TRPV1: variants seen among roughly 807,000 people sequenced by gnomAD.
The protein encoded by TRPV1 is OTRPC1.
A neutral mutation model predicts 82.3 loss-of-function variants in TRPV1; 82 were observed. The ratio of observed to expected loss-of-function variants is 1.00; its 90% CI spans 0.83 to 1.20. The LOEUF (loss-of-function observed/expected upper bound fraction) is 1.20. Among genes scored for constraint, TRPV1 ranks in the 50% most tolerant of loss-of-function variants. The probability of loss-of-function intolerance (pLI) is 0.00; values close to 1 mark genes in which losing one functional copy is unlikely to be tolerated. For missense variants in TRPV1, 1,067 were observed against 1,096.8 expected (o/e 0.97, Z 0.38); for synonymous variants, 515 against 467.7 (o/e 1.10, Z -1.30).
chr17:3,588,741 T>C (rs1375113103), intron 7 of TRPV1, among the ~76,000 whole-genome samples: 2 of 149,070 alleles, frequency 1.3e-5, no homozygotes, highest in Admixed American at 6.7e-5. Context: ...TTGAACCTGA[T>C]AGGCAGAGGT....
At position 3,577,340 on chromosome 17, in the gene TRPV1, TCACC is replaced by T; in HGVS notation, c.1714-152_1714-149del. 6 of 921,064 alleles carry T rather than the reference TCACC, an allele frequency of 6.5e-6. No individual in the cohort carries two copies. The South Asian group carries it at 9.9e-5, about 15-fold the overall frequency. The allele number at this position is 921,064 out of a possible 1,614,324, so 57.1% of individuals were successfully genotyped here. A position where few individuals can be genotyped will look rare whatever the true frequency, so the allele number is the denominator to read the frequency against. On this transcript the variant is annotated intron_variant, in intron 12 of 16. Coordinates refer to ENST00000572705, the MANE Select transcript of TRPV1 (RefSeq NM_080704.4). The stretch of plus-strand genomic sequence containing the variant: ...TCTCAGCTCAGGGGTCATGAGGGAG[TCACC>T]CACCCTTCCCCCATAGCCTTTGTTC...
intron 14 of TRPV1, among the ~76,000 whole-genome samples, chr17:3,572,691 G>A (rs224551): frequency 0.88 from 134,500 of 152,276 alleles, 61,804 homozygotes; most frequent in East Asian, 1. Flanking sequence ...ATTCAAAAAC[G>A]GAACAGTATA....
At chr17:3,588,776 T>G (rs1284963662) in intron 7 of TRPV1, among the ~76,000 whole-genome samples, 1 of 148,544 alleles carries the variant, frequency 6.7e-6, no homozygotes, top group Non-Finnish European at 1.5e-5. Context: ...ATTGTGCCAC[T>G]GCTCTCCAGC....
intron 2 of TRPV1, among the ~76,000 whole-genome samples, chr17:3,605,651 T>G: frequency 6.6e-6 from 1 of 152,206 alleles, no homozygotes; most frequent in Non-Finnish European, 1.5e-5. Flanking sequence ...ATGTGACTTG[T>G]GTAAAGAATG....
chr17:3,583,418 T>A lies in TRPV1; in HGVS notation c.1396A>T (p.Met466Leu), dbSNP rs771765536. The A allele has an allele frequency of 1.2e-6, 2 of 1,603,598 alleles. No individual in the cohort carries two copies. Among genetic ancestry groups the A allele is most frequent in the Non-Finnish European group, 1.7e-6 (2 of 1,174,966 alleles). Residue 466 changes from methionine (M) to leucine (L), a missense_variant, in exon 10 of 17, where the codon ATG (methionine) becomes TTG (leucine). Met to Leu is a conservative substitution (Grantham distance 15). Coordinates refer to ENST00000572705, the MANE Select transcript of TRPV1 (RefSeq NM_080704.4). ...CGGAAATAGTCTCCAGTTTTTTCCA[T>A]CTTAAAGGGAGGCTGTGAGATGCAG... ...RPVDGLPPFK[M>L]EKTGDYFRVT...
At chr17:3,588,813 TAA>T (rs3837859) in intron 7 of TRPV1, 2,027 of 900,432 alleles carry the variant, frequency 2.3e-3, no homozygotes, top group South Asian at 3.9e-3. Context: ...AAACCTCATC[TAA>T]AAAAAAAAAA....
At chr17:3,585,557 G>A (rs1055153906) in intron 9 of TRPV1, 15 of 579,428 alleles carry the variant, frequency 2.6e-5, no homozygotes, top group Non-Finnish European at 3.9e-5. Context: ...ACTGAGAAGC[G>A]GGAAGGGGGC....
chr17:3,573,878 C>A lies in TRPV1; in HGVS notation c.1858G>T (p.Ala620Ser). ...TAGGAGCTATCGGGGGGCCTGCAGG[C>A]AGGCCCCCGCCACCTGTGCGACGTG... is the stretch of plus-strand genomic sequence containing the variant. The part of the protein sequence containing the change: ...ESTSHRWRGP[A>S]CRPPDSSYNS... Residue 620 changes from alanine to serine, a missense_variant, in exon 14 of 17, where the codon GCC becomes TCC. Transcript: ENST00000572705. 6.3e-7 allele frequency: 1 copy of A among 1,599,840 alleles called. No individual in the cohort carries two copies. The highest frequency in any genetic ancestry group is 1.7e-4 in the Middle Eastern group (1 of 5,922).
intron 14 of TRPV1, 92 bp downstream of exon 14, chr17:3,573,541 A>ACCC: frequency 7.3e-6 from 1 of 137,140 alleles, no homozygotes; most frequent in African/African-American, 9.2e-5. Flanking sequence ...CGCCCCCACC[A>ACCC]CCCACCCACC....
At chr17:3,587,085 A>C (rs2150843852) in intron 8 of TRPV1, among the ~76,000 whole-genome samples, 1 of 152,190 alleles carries the variant, frequency 6.6e-6, no homozygotes, top group South Asian at 2.1e-4. Flanking sequence ...TGTCCCTGAG[A>C]GCCTTTAGAG....
chr17:3,572,281 AG>A, intron 14 of TRPV1, 32 bp from the exon 15 acceptor site: 2 of 1,581,952 alleles, frequency 1.3e-6, no homozygotes, highest in Non-Finnish European at 8.6e-7. Context: ...AGAGGAGCTG[AG>A]GGGCAGAGGG....
intron 8 of TRPV1, 129 bp downstream of exon 8, chr17:3,588,059 G>A (rs2075105780): frequency 1.2e-5 from 13 of 1,072,086 alleles, no homozygotes; most frequent in Non-Finnish European, 1.7e-5. Context: ...ACGTGAGGCT[G>A]CAGGGCCTGG....
chr17:3,581,847 T>C (rs1430503105), intron 10 of TRPV1, among the ~76,000 whole-genome samples: 2 of 137,662 alleles, frequency 1.5e-5, no homozygotes, highest in Non-Finnish European at 1.5e-5. Context: ...ATCACACCAC[T>C]GCACTCCAGC....
At chr17:3,591,917 C>T in intron 3 of TRPV1, 150 bp downstream of exon 3, 1 of 1,188,048 alleles carries the variant, frequency 8.4e-7, no homozygotes. Flanking sequence ...CCCACGAGGT[C>T]ACATGAGGAA....
intron 2 of TRPV1, among the ~76,000 whole-genome samples, chr17:3,598,661 G>A (rs2075239540): frequency 6.6e-6 from 1 of 150,446 alleles, no homozygotes. Context: ...TGCCTCCCAG[G>A]TTCAAGCAAT....
At chr17:3,590,525 C>A in intron 5 of TRPV1, 133 bp from the exon 6 acceptor site, 1 of 1,374,504 alleles carries the variant, frequency 7.3e-7, no homozygotes, top group Non-Finnish European at 9.7e-7. Flanking sequence ...GGAGGACCCC[C>A]CCACTGCAGG....
In TRPV1 at chr17:3,573,901, G is replaced by A. The variant is rs199539626; in HGVS notation, c.1835C>T (p.Thr612Met). ...GGCAGGCCCCCGCCACCTGTGCGAC[G>A]TGGACTCAGACGGCAGGGAGTCATT... Reference protein sequence around the residue: ...GKNDSLPSESTSHRWRGPACR... With the variant: ...GKNDSLPSESMSHRWRGPACR... The change falls in exon 14 of 17, where the codon ACG (threonine) becomes ATG (methionine). Residue 612 changes from threonine (T) to methionine (M), a missense_variant. By Grantham distance (81) the Thr-to-Met change is moderately conservative. Transcript: ENST00000572705. The A allele has an allele frequency of 1.3e-3, 2,049 of 1,610,382 alleles. 4 individuals carry two copies. Among genetic ancestry groups the A allele is most frequent in the Non-Finnish European group, 1.4e-3 (1,692 of 1,179,138 alleles).
intron 2 of TRPV1, among the ~76,000 whole-genome samples, chr17:3,603,252 C>T (rs1271200437): frequency 1.3e-5 from 2 of 152,210 alleles, no homozygotes; most frequent in Admixed American, 6.5e-5. Context: ...GTCTGCGAGC[C>T]GGTCAGCACC....
chr17:3,577,644 G>T lies in TRPV1; in HGVS notation c.1667C>A (p.Thr556Asn), dbSNP rs200300644. The change falls in exon 12 of 17, where the codon ACC (threonine) becomes AAC (asparagine). Residue 556 changes from threonine to asparagine, a missense_variant. Transcript: ENST00000572705. ...GATGCCCATCTGCTGGAAACCGCGG[G>T]TGTAGTAGAGCATGTTGGTCCAGCC... is the stretch of plus-strand genomic sequence containing the variant. Reference protein sequence around the residue: ...ALGWTNMLYYTRGFQQMGIYA... With the variant: ...ALGWTNMLYYNRGFQQMGIYA... 3.5e-5 allele frequency: 56 copies of T among 1,585,384 alleles called. 1 individual carries two copies. Among genetic ancestry groups the T allele is most frequent in the Middle Eastern group, 3.3e-4 (2 of 6,064 alleles).
Sources: allele counts gnomAD v4.1 joint callset (sites outside exome capture counted in the v4.1 genomes callset), GRCh38; gene constraint gnomAD v4.1.1; transcripts MANE v1.5; gene names NCBI Gene and HGNC (gene_info 2026-07-23, HGNC 2026-07-21).